LY6G6D: variants seen among roughly 807,000 people sequenced by gnomAD.
LY6G6D encodes the protein lymphocyte antigen 6 family member G6D, also known as lymphocyte antigen 6 complex locus protein G6d.
LY6G6D carries 5 observed loss-of-function variants against 8.5 expected under a neutral mutation model. That is an observed-to-expected ratio of 0.59 (90% confidence interval 0.31 to 1.24). The LOEUF (loss-of-function observed/expected upper bound fraction) is 1.24, where lower values mean the gene tolerates loss of function less well. Among genes scored for constraint, LY6G6D ranks in the 50% most tolerant of loss-of-function variants. The pLI is 0.07. For synonymous variants in LY6G6D, 65 were observed against 69.6 expected, an observed-to-expected ratio of 0.93 and a Z score of 0.33; for missense variants, 154 against 170.4, an observed-to-expected ratio of 0.90 and a Z score of 0.53.
At position 31,717,371 on chromosome 6, in the gene LY6G6D, A is replaced by G. The variant is rs1489554092; in HGVS notation, c.179-210A>G. 1.6e-6 allele frequency: 2 copies of G among 1,215,936 alleles called. No individual in the cohort carries two copies. The highest frequency in any genetic ancestry group is 2.3e-6 in the Non-Finnish European group (2 of 875,336). The allele number at this position is 1,215,936 out of a possible 1,614,324, so 75.3% of individuals were successfully genotyped here. ...TTGAGGTCATGCATTTTAAGCAAGAATACTGCAGAAGTGATGTTGCATCCT... is the reference window on the plus strand; with the variant it reads ...TTGAGGTCATGCATTTTAAGCAAGAGTACTGCAGAAGTGATGTTGCATCCT... On this transcript the variant is annotated intron_variant, in intron 2 of 2. Transcript: ENST00000375825. The surrounding 1 kb of genome is among the most constrained non-coding windows in gnomAD (Gnocchi z 5.0).
chr6:31,717,681 C>T lies in LY6G6D; in HGVS notation c.279C>T (p.His93=), dbSNP rs1806540819. ...ESVGDVTYPA[H]RDCYLGDLCN... ...TGGGAGACGTGACTTATCCAGCCCACAGGGACTGCTACCTGGGAGACCTGT... is the reference window on the plus strand; with the variant it reads ...TGGGAGACGTGACTTATCCAGCCCATAGGGACTGCTACCTGGGAGACCTGT... The change falls in exon 3 of 3, where the codon CAC becomes CAT. Residue 93 remains histidine (H), a synonymous_variant. Transcript: ENST00000375825. This position sits in a 1 kb window ranked among gnomAD's most constrained non-coding sequence, Gnocchi z 5.0. The T allele has an allele frequency of 3.7e-6, 6 of 1,614,202 alleles. No individual in the cohort carries two copies. Among genetic ancestry groups the T allele is most frequent in the Non-Finnish European group, 5.1e-6 (6 of 1,180,042 alleles).
rs1806420102 is a variant in LY6G6D at position 31,716,135 on chromosome 6, A to G, written c.178+511A>G. Among the ~76,000 whole-genome samples the G allele has an allele frequency of 6.6e-6, 1 of 152,206 alleles. No homozygotes were observed. The highest frequency in any genetic ancestry group is 6.5e-5 in the Admixed American group (1 of 15,278). ...AATAACTGATACAATACTACTAACT[A>G]ATCTACAGACTTTATTTGATTTAGC... On this transcript the variant is annotated intron_variant, in intron 2 of 2. Transcript: ENST00000375825. The surrounding 1 kb of genome is among the most constrained non-coding windows in gnomAD (Gnocchi z 5.1).
In LY6G6D at chr6:31,717,814, G is replaced by C. The variant is rs754832885; in HGVS notation, c.*10G>C. On this transcript the variant is annotated 3_prime_UTR_variant, in exon 3 of 3. Coordinates refer to ENST00000375825, the MANE Select transcript of LY6G6D (RefSeq NM_021246.4). The surrounding 1 kb of genome is among the most constrained non-coding windows in gnomAD (Gnocchi z 5.0). ...ACTGTGGAGCGGATAGGGGGAGTAG[G>C]AGTAGAGAAGGGAACAAGGGAGCAA... is the stretch of plus-strand genomic sequence containing the variant. 4 of 1,603,758 alleles carry C rather than the reference G, an allele frequency of 2.5e-6. No homozygotes were observed. The highest frequency in any genetic ancestry group is 4.5e-5 in the East Asian group (2 of 44,738).
chr6:31,717,805 G>T lies in LY6G6D; in HGVS notation c.*1G>T, dbSNP rs757074515. The T allele has an allele frequency of 6.2e-7, 1 of 1,608,548 alleles. No homozygotes were observed. Among genetic ancestry groups the T allele is most frequent in the Admixed American group, 1.7e-5 (1 of 59,926 alleles). On this transcript the variant is annotated 3_prime_UTR_variant, in exon 3 of 3. Transcript: ENST00000375825. The surrounding 1 kb of genome is among the most constrained non-coding windows in gnomAD (Gnocchi z 5.0). ...CTTGCCAGGACTGTGGAGCGGATAG[G>T]GGGAGTAGGAGTAGAGAAGGGAACA...
chr6:31,717,249 CAAA>C lies in LY6G6D; in HGVS notation c.179-318_179-316del, dbSNP rs58686476. On this transcript the variant is annotated intron_variant, in intron 2 of 2. Coordinates refer to ENST00000375825, the MANE Select transcript of LY6G6D (RefSeq NM_021246.4). The surrounding 1 kb of genome is among the most constrained non-coding windows in gnomAD (Gnocchi z 5.0). ...GGGCAATAAGAGTGAAACTCCGTCT[CAAA>C]AAAAAAAAAAAAATTACAGATACTT... is the stretch of plus-strand genomic sequence containing the variant. Among the ~76,000 whole-genome samples, 2 of 92,300 alleles carry C rather than the reference CAAA, an allele frequency of 2.2e-5. No homozygotes were observed. 60.6% of individuals were successfully genotyped at this position (92,300 alleles called of 152,430 possible).
At position 31,717,597 on chromosome 6, in the gene LY6G6D, T is replaced by C. The variant is rs1806527029; in HGVS notation, c.195T>C (p.Ile65=). Residue 65 remains isoleucine (I), a synonymous_variant, in exon 3 of 3, where the codon ATT becomes ATC. Coordinates refer to ENST00000375825, the MANE Select transcript of LY6G6D (RefSeq NM_021246.4). The surrounding 1 kb of genome is among the most constrained non-coding windows in gnomAD (Gnocchi z 5.0). ...KLPGNPPVTL[I]HQHPACVAAH... Reference sequence around the variant, plus strand: ...CTCTCTCAGCCCCAGTGACCTTGATTCACCAACATCCAGCCTGCGTCGCAG... The same window carrying C: ...CTCTCTCAGCCCCAGTGACCTTGATCCACCAACATCCAGCCTGCGTCGCAG... 1.2e-6 allele frequency: 2 copies of C among 1,614,202 alleles called. No individual in the cohort carries two copies. The highest frequency in any genetic ancestry group is 1.7e-6 in the Non-Finnish European group (2 of 1,180,036).
rs369047056 is a variant in LY6G6D at position 31,717,625 on chromosome 6, C to T, written c.223C>T (p.His75Tyr). ...CCAACATCCAGCCTGCGTCGCAGCC[C>T]ATCATTGCAATCAAGTGGAGACAGA... ...IHQHPACVAAHHCNQVETESV... is the reference protein window; with the variant it reads ...IHQHPACVAAYHCNQVETESV... The change falls in exon 3 of 3, where the codon CAT becomes TAT. Residue 75 changes from histidine (H) to tyrosine (Y), a missense_variant. His to Tyr is a moderately conservative substitution (Grantham distance 83, BLOSUM62 2). Coordinates refer to ENST00000375825, the MANE Select transcript of LY6G6D (RefSeq NM_021246.4). The surrounding 1 kb of genome is among the most constrained non-coding windows in gnomAD (Gnocchi z 5.0). 6 of 1,614,096 alleles carry T rather than the reference C, an allele frequency of 3.7e-6. No individual in the cohort carries two copies. The African/African-American group carries it at 5.3e-5, about 14-fold the overall frequency.
chr6:31,717,388 T>C lies in LY6G6D; in HGVS notation c.179-193T>C. On this transcript the variant is annotated intron_variant, in intron 2 of 2. Transcript: ENST00000375825. This position sits in a 1 kb window ranked among gnomAD's most constrained non-coding sequence, Gnocchi z 5.0. ...AAGCAAGAATACTGCAGAAGTGATG[T>C]TGCATCCTTCTTGCTGCATCACATC... 2.2e-6 allele frequency: 3 copies of C among 1,381,692 alleles called. No homozygotes were observed. In the South Asian group the frequency reaches 4.2e-5, roughly 19 times the overall value. The allele number at this position is 1,381,692 out of a possible 1,614,324, so 85.6% of individuals were successfully genotyped here. A position where few individuals can be genotyped will look rare whatever the true frequency, so the allele number is the denominator to read the frequency against.
At position 31,716,673 on chromosome 6, in the gene LY6G6D, C is replaced by T. The variant is rs1266911555; in HGVS notation, c.179-908C>T. Among the ~76,000 whole-genome samples the T allele has an allele frequency of 6.6e-6, 1 of 151,908 alleles. No homozygotes were observed. The highest frequency in any genetic ancestry group is 1.5e-5 in the Non-Finnish European group (1 of 67,990). ...TGGTGGCACACACTTGTAATCCCAG[C>T]ACTTTGGGAGGCCAAGGCTGAAGAG... On this transcript the variant is annotated intron_variant, in intron 2 of 2. Coordinates refer to ENST00000375825, the MANE Select transcript of LY6G6D (RefSeq NM_021246.4). The surrounding 1 kb of genome is among the most constrained non-coding windows in gnomAD (Gnocchi z 5.1).
chr6:31,715,430 G>A lies in LY6G6D; in HGVS notation c.55+20G>A. The A allele has an allele frequency of 6.2e-7, 1 of 1,605,644 alleles. No individual in the cohort carries two copies. Among genetic ancestry groups the A allele is most frequent in the Non-Finnish European group, 8.5e-7 (1 of 1,174,566 alleles). Reference sequence around the variant, plus strand: ...CCTTGGGTAAGGAGGCGGCCAGCTAGCTTCTCACACAGGCCTTCTGCCAGC... The same window carrying A: ...CCTTGGGTAAGGAGGCGGCCAGCTAACTTCTCACACAGGCCTTCTGCCAGC... On this transcript the variant is annotated intron_variant, in intron 1 of 2. Coordinates refer to ENST00000375825, the MANE Select transcript of LY6G6D (RefSeq NM_021246.4).
chr6:31,717,833 G>C lies in LY6G6D; in HGVS notation c.*29G>C, dbSNP rs752413700. 6.3e-6 allele frequency: 10 copies of C among 1,589,372 alleles called. No individual in the cohort carries two copies. The South Asian group carries it at 1.1e-4, about 18-fold the overall frequency. ...GAGTAGGAGTAGAGAAGGGAACAAGGGAGCAAGGGAACAAGGGACATCTGA... is the reference window on the plus strand; with the variant it reads ...GAGTAGGAGTAGAGAAGGGAACAAGCGAGCAAGGGAACAAGGGACATCTGA... On this transcript the variant is annotated 3_prime_UTR_variant, in exon 3 of 3. Coordinates refer to ENST00000375825, the MANE Select transcript of LY6G6D (RefSeq NM_021246.4). This position sits in a 1 kb window ranked among gnomAD's most constrained non-coding sequence, Gnocchi z 5.0.
rs1298700934 is a variant in LY6G6D, at chr6:31,716,758, C to CA, written c.179-817dup. On this transcript the variant is annotated intron_variant, in intron 2 of 2. Transcript: ENST00000375825. This position sits in a 1 kb window ranked among gnomAD's most constrained non-coding sequence, Gnocchi z 5.1. ...CAGCAAAGTGAGACCCCCATCTCTA[C>CA]AAAAAATGTTTTTAAAAAATTAGCC... Among the ~76,000 whole-genome samples, 2 of 151,324 alleles carry CA rather than the reference C, an allele frequency of 1.3e-5. No individual in the cohort carries two copies. The highest frequency in any genetic ancestry group is 2.4e-5 in the African/African-American group (1 of 41,022).
Position 31,716,284 on chromosome 6 carries a change from C to T in LY6G6D, c.178+660C>T, listed in dbSNP as rs1806427505. On this transcript the variant is annotated intron_variant, in intron 2 of 2. Coordinates refer to ENST00000375825, the MANE Select transcript of LY6G6D (RefSeq NM_021246.4). The surrounding 1 kb of genome is among the most constrained non-coding windows in gnomAD (Gnocchi z 5.1). The stretch of plus-strand genomic sequence containing the variant: ...AGAGCCCTGATAAATTATTTTATAC[C>T]TGGAGTTTAAAAAATTACTTTTAGG... Among the ~76,000 whole-genome samples, 1 of 151,972 alleles carries T rather than the reference C, an allele frequency of 6.6e-6. No homozygotes were observed. Among genetic ancestry groups the T allele is most frequent in the Admixed American group, 6.6e-5 (1 of 15,246 alleles).
rs778295180 is a variant in LY6G6D at position 31,715,352 on chromosome 6, T to A, written c.-4T>A. The stretch of plus-strand genomic sequence containing the variant: ...AGAGGCGGTCCTGACACGGGCAGAC[T>A]GCGATGAAACCCCAGTTTGTTGGGA... On this transcript the variant is annotated 5_prime_UTR_variant, in exon 1 of 3. Coordinates refer to ENST00000375825, the MANE Select transcript of LY6G6D (RefSeq NM_021246.4). 6.3e-7 allele frequency: 1 copy of A among 1,595,802 alleles called. No homozygotes were observed. The highest frequency in any genetic ancestry group is 8.5e-7 in the Non-Finnish European group (1 of 1,170,202).
At position 31,715,554 on chromosome 6, in the gene LY6G6D, A is replaced by C; in HGVS notation, c.108A>C (p.Lys36Asn). The C allele has an allele frequency of 1.2e-6, 2 of 1,613,054 alleles. No individual in the cohort carries two copies. The highest frequency in any genetic ancestry group is 1.7e-6 in the Non-Finnish European group (2 of 1,180,024). ...GTGGAAGCCCCAGCAGTTCTTGCAA[A>C]GAGGCCGTGACCACCTGTGGCGAGG... ...NCGGSPSSSC[K>N]EAVTTCGEGR... is the part of the protein sequence containing the mutation. The change falls in exon 2 of 3, where the codon AAA (lysine) becomes AAC (asparagine). Residue 36 changes from lysine (K) to asparagine (N), a missense_variant. Physicochemically the swap from Lys to Asn is moderately conservative, Grantham distance 94. Coordinates refer to ENST00000375825, the MANE Select transcript of LY6G6D (RefSeq NM_021246.4).
rs530510249 is a variant in LY6G6D, at chr6:31,716,525, A to G, written c.178+901A>G. Among the ~76,000 whole-genome samples the G allele has an allele frequency of 6.6e-6, 1 of 152,284 alleles. No homozygotes were observed. The highest frequency in any genetic ancestry group is 2.1e-4 in the South Asian group (1 of 4,830). On this transcript the variant is annotated intron_variant, in intron 2 of 2. Transcript: ENST00000375825. This position sits in a 1 kb window ranked among gnomAD's most constrained non-coding sequence, Gnocchi z 5.1. ...CTACTCAGGGGGCTGAAGAGGGAGG[A>G]TCGCTTGAGCCTGGGAGATTGAAGC...
At chr6:31,715,461 C>G in intron 1 of LY6G6D, 41 bp from the exon 2 acceptor site, 1 of 1,606,682 alleles carries the variant, frequency 6.2e-7, no homozygotes, top group Non-Finnish European at 8.5e-7. Context: ...CCAGCCGGCT[C>G]CACCGAGGGC....
chr6:31,715,474 A>C (rs1806354466), intron 1 of LY6G6D, 28 bp from the exon 2 acceptor site: 38 of 1,609,062 alleles, frequency 2.4e-5, no homozygotes, highest in Non-Finnish European at 3.1e-5. Context: ...CCGAGGGCCC[A>C]GGTCCAGCGC....
chr6:31,715,765 C>T, intron 2 of LY6G6D, 141 bp downstream of exon 2: 6 of 1,284,168 alleles, frequency 4.7e-6, no homozygotes, highest in Non-Finnish European at 6.2e-6. Flanking sequence ...AGTCTGTACC[C>T]CTTCTGGCTC....
Sources: allele counts gnomAD v4.1 joint callset (sites outside exome capture counted in the v4.1 genomes callset), GRCh38; gene constraint gnomAD v4.1.1; non-coding constraint Gnocchi (gnomAD v3.1); transcripts MANE v1.5; gene names NCBI Gene and HGNC (gene_info 2026-07-23, HGNC 2026-07-21).